Variants in PDGFD observed in about 807,000 individuals in gnomAD.
The protein encoded by PDGFD is platelet derived growth factor D.
A neutral mutation model predicts 44.7 loss-of-function variants in PDGFD; 30 were observed. That is an observed-to-expected ratio of 0.67 (90% CI 0.50 to 0.91). The LOEUF is 0.91. Among genes scored for constraint, PDGFD ranks in the 40% least tolerant of loss-of-function variants. The probability of loss-of-function intolerance (pLI) is 0.00; values close to 1 mark genes in which losing one functional copy is unlikely to be tolerated. For synonymous variants in PDGFD, 173 were observed against 168.4 expected, an observed-to-expected ratio of 1.03 and a Z score of -0.21; for missense variants, 445 against 457.8, an observed-to-expected ratio of 0.97 and a Z score of 0.25.
intron 3 of PDGFD, among the ~76,000 whole-genome samples, chr11:103,974,489 C>T (rs1859152572): frequency 6.6e-6 from 1 of 152,028 alleles, no homozygotes; most frequent in Admixed American, 6.6e-5. Flanking sequence ...ATTTTAAGTT[C>T]TAGGATACAT....
At chr11:104,062,933 C>G (rs1048729798) in intron 1 of PDGFD, among the ~76,000 whole-genome samples, 1 of 152,082 alleles carries the variant, frequency 6.6e-6, no homozygotes, top group East Asian at 1.9e-4. Context: ...CGTTGTGAAC[C>G]TCTATCTTCT....
intron 1 of PDGFD, among the ~76,000 whole-genome samples, chr11:104,140,104 C>T (rs899151132): frequency 1.3e-5 from 2 of 151,988 alleles, no homozygotes. Flanking sequence ...AATAACTTGT[C>T]TGTCTGAACG....
chr11:104,163,762 C>T, intron 1 of PDGFD, 42 bp downstream of exon 1: 1 of 1,499,142 alleles, frequency 6.7e-7, no homozygotes, highest in South Asian at 1.4e-5. Context: ...CAATAGCAAA[C>T]ATGATTTTTT....
At chr11:103,911,624 T>G in intron 6 of PDGFD, among the ~76,000 whole-genome samples, 1 of 152,050 alleles carries the variant, frequency 6.6e-6, no homozygotes, top group East Asian at 1.9e-4. Context: ...AGATGGAGAA[T>G]GAGTTTGAGG....
At chr11:104,067,656 C>T (rs976870618) in intron 1 of PDGFD, among the ~76,000 whole-genome samples, 2 of 151,910 alleles carry the variant, frequency 1.3e-5, no homozygotes, top group Admixed American at 6.6e-5. Context: ...AGGATAATTC[C>T]AAAAAATATT....
chr11:103,942,641 C>T (rs1858603034), intron 5 of PDGFD, among the ~76,000 whole-genome samples: 1 of 152,056 alleles, frequency 6.6e-6, no homozygotes, highest in African/African-American at 2.4e-5. Flanking sequence ...AGGCACCAAG[C>T]AGATATCAGA....
At chr11:103,937,857 T>C (rs1858517141) in intron 5 of PDGFD, among the ~76,000 whole-genome samples, 1 of 151,890 alleles carries the variant, frequency 6.6e-6, no homozygotes, top group Non-Finnish European at 1.5e-5. Flanking sequence ...TCCAGCTTCA[T>C]CCATGTCCCT....
Position 104,095,198 on chromosome 11 carries a change from ATATT to A in PDGFD, c.124+68602_124+68605del, listed in dbSNP as rs199812017. Reference sequence around the variant, plus strand: ...CCCAGTATTCTTCCCTTATTGAAATATATTTATTTGTTTGTTTGTTTGTTCTCTC... The same window carrying A: ...CCCAGTATTCTTCCCTTATTGAAATATATTTGTTTGTTTGTTTGTTCTCTC... On this transcript the variant is annotated intron_variant, in intron 1 of 6. Transcript: ENST00000393158. Among the ~76,000 whole-genome samples, 185 of 152,076 alleles carry A rather than the reference ATATT, an allele frequency of 1.2e-3. 1 individual carries two copies. In the East Asian group the frequency reaches 0.03, roughly 24 times the overall value.
At position 104,148,283 on chromosome 11, in the gene PDGFD, G is replaced by A. The variant is rs182224733; in HGVS notation, c.124+15521C>T. Among the ~76,000 whole-genome samples the A allele has an allele frequency of 2.1e-3, 315 of 152,198 alleles. 2 individuals are homozygous for A. Among genetic ancestry groups the A allele is most frequent in the Middle Eastern group, 0.01 (3 of 294 alleles). The stretch of plus-strand genomic sequence containing the variant: ...CGATTTCAACACACTGAAACGATGA[G>A]ATACAAAAACAGCTCTCATAAATTA... On this transcript the variant is annotated intron_variant, in intron 1 of 6. Transcript: ENST00000393158.
intron 1 of PDGFD, among the ~76,000 whole-genome samples, chr11:104,046,087 G>A (rs1490213292): frequency 3.4e-5 from 5 of 147,512 alleles, no homozygotes; most frequent in African/African-American, 1.2e-4. Flanking sequence ...ACAAAATAAT[G>A]TGAAGGAAAG....
At chr11:104,084,589 T>G (rs1861093355) in intron 1 of PDGFD, among the ~76,000 whole-genome samples, 1 of 148,614 alleles carries the variant, frequency 6.7e-6, no homozygotes. Context: ...TACACACTCT[T>G]TTTTTAAAAA....
chr11:103,934,917 G>A (rs1858463911), intron 5 of PDGFD, among the ~76,000 whole-genome samples: 1 of 152,116 alleles, frequency 6.6e-6, no homozygotes. Context: ...CACCAGCAGG[G>A]CCTACAAGCA....
chr11:103,908,872 G>T lies in PDGFD; in HGVS notation c.*822C>A, dbSNP rs562404906. 5 of 152,234 alleles carry T rather than the reference G, an allele frequency of 3.3e-5. No individual in the cohort carries two copies. In the South Asian group the frequency reaches 1.0e-3, roughly 32 times the overall value. 9.4% of individuals were successfully genotyped at this position (152,234 alleles called of 1,614,324 possible). On this transcript the variant is annotated 3_prime_UTR_variant, in exon 7 of 7. Transcript: ENST00000393158. ...TGCTTTTGTGGAGGGGTTTTGCAAA[G>T]AAAAACAATTCAAAATTCTGTTACA... is the stretch of plus-strand genomic sequence containing the variant.
chr11:104,046,860 T>G (rs1860449502), intron 1 of PDGFD, among the ~76,000 whole-genome samples: 1 of 146,524 alleles, frequency 6.8e-6, no homozygotes, highest in Non-Finnish European at 1.5e-5. Flanking sequence ...TCATCTACAT[T>G]AGGTATTTAT....
intron 3 of PDGFD, among the ~76,000 whole-genome samples, chr11:103,995,042 C>CA (rs1288509053): frequency 2.0e-5 from 3 of 151,978 alleles, no homozygotes; most frequent in Non-Finnish European, 4.4e-5. Flanking sequence ...CTAAACCAAG[C>CA]AAATTTTTAA....
At chr11:103,980,336 T>G (rs1273459876) in intron 3 of PDGFD, among the ~76,000 whole-genome samples, 1 of 152,120 alleles carries the variant, frequency 6.6e-6, no homozygotes, top group Admixed American at 6.6e-5. Context: ...AATGAAGGCC[T>G]TTCTGTAGTA....
rs965802056 is a variant in PDGFD, at chr11:103,996,263, T to A, written c.330-18A>T. 2 of 1,585,532 alleles carry A rather than the reference T, an allele frequency of 1.3e-6. No homozygotes were observed. On this transcript the variant is annotated intron_variant, in intron 2 of 6. Coordinates refer to ENST00000393158, the MANE Select transcript of PDGFD (RefSeq NM_025208.5). ...AATCATACCTAGAATCAATTGGACA[T>A]AATGAACAAGTTTTGATTAAAGTAG...
chr11:103,909,893 C>G (rs538691186), intron 6 of PDGFD, 74 bp from the exon 7 acceptor site: 1 of 1,574,190 alleles, frequency 6.4e-7, no homozygotes, highest in Non-Finnish European at 8.7e-7. Flanking sequence ...TACTTATTAC[C>G]TTTTTGACAA....
intron 3 of PDGFD, among the ~76,000 whole-genome samples, chr11:103,976,321 T>C (rs1264747660): frequency 1.3e-5 from 2 of 152,196 alleles, no homozygotes; most frequent in African/African-American, 4.8e-5. Flanking sequence ...ACTCATGATT[T>C]GGCTCTTTGT....
Sources: allele counts gnomAD v4.1 joint callset (sites outside exome capture counted in the v4.1 genomes callset), GRCh38; gene constraint gnomAD v4.1.1; transcripts MANE v1.5; gene names NCBI Gene and HGNC (gene_info 2026-07-23, HGNC 2026-07-21).